Variants in LRP1B observed in about 807,000 individuals in gnomAD.
LRP1B encodes the protein LDL receptor related protein 1B.
In LRP1B, 217 loss-of-function variants were observed where a neutral mutation model predicts 556.6. The observed-to-expected ratio is 0.39, with a 90% CI of 0.35 to 0.44. The LOEUF is 0.44. Among genes scored for constraint, LRP1B ranks in the 20% least tolerant of loss-of-function variants. The pLI, the probability that LRP1B is intolerant of heterozygous loss-of-function variation, is 1.00. For missense variants in LRP1B, 5,053 were observed against 5,620.8 expected (o/e 0.90, Z 3.23); for synonymous variants, 2,047 against 1,865.8 (o/e 1.10, Z -2.50).
chr2:141,420,930 A>G (rs1680112298), intron 3 of LRP1B, among the ~76,000 whole-genome samples: 1 of 152,222 alleles, frequency 6.6e-6, no homozygotes, highest in Non-Finnish European at 1.5e-5. Flanking sequence ...CTTGAAAGAT[A>G]GTAAATTGGA....
chr2:141,357,183 G>A (rs1372657371), intron 3 of LRP1B, among the ~76,000 whole-genome samples: 1 of 152,018 alleles, frequency 6.6e-6, no homozygotes, highest in African/African-American at 2.4e-5. Flanking sequence ...AGCCTCCCGA[G>A]TAGCTGGGAC....
At chr2:141,574,805 C>T (rs1686673840) in intron 2 of LRP1B, among the ~76,000 whole-genome samples, 1 of 151,970 alleles carries the variant, frequency 6.6e-6, no homozygotes, top group Non-Finnish European at 1.5e-5. Context: ...TTCTTTTACA[C>T]TAACAATAGG....
chr2:140,868,161 C>A lies in LRP1B; in HGVS notation c.4272G>T (p.Gly1424=). The A allele has an allele frequency of 6.2e-7, 1 of 1,611,394 alleles. No individual in the cohort carries two copies. Among genetic ancestry groups the A allele is most frequent in the South Asian group, 1.1e-5 (1 of 90,906 alleles). ...RKTIYKDMKT[G]AWPNGLTVDH... is the part of the protein sequence containing the mutation. The stretch of plus-strand genomic sequence containing the variant: ...CCACAGTTAGTCCATTAGGCCAAGC[C>A]CCAGTTTTCATGTCTTTATAGATGG... The change falls in exon 26 of 91, where the codon GGG becomes GGT. Residue 1424 remains glycine (G), a synonymous_variant. Transcript: ENST00000389484.
Position 141,593,462 on chromosome 2 carries a change from T to TGGA in LRP1B, c.206-112930_206-112929insTCC, listed in dbSNP as rs1241930123. On this transcript the variant is annotated intron_variant, in intron 2 of 90. Coordinates refer to ENST00000389484, the MANE Select transcript of LRP1B (RefSeq NM_018557.3). Reference sequence around the variant, plus strand: ...GGCCGGGCGCGGTGGCTCACGCCTGTAATCCCAGCACTTTGGGAGGCCGAG... The same window carrying TGGA: ...GGCCGGGCGCGGTGGCTCACGCCTGTGGAAATCCCAGCACTTTGGGAGGCCGAG... 0.024 allele frequency among the ~76,000 whole-genome samples: 34 copies of TGGA among 1,404 alleles called. 17 individuals carry two copies. In the Non-Finnish European group the frequency reaches 1, roughly 41 times the overall value. The allele number at this position is 1,404 out of a possible 152,430, so 0.9% of individuals were successfully genotyped here. A position where few individuals can be genotyped will look rare whatever the true frequency, so the allele number is the denominator to read the frequency against.
intron 66 of LRP1B, among the ~76,000 whole-genome samples, chr2:140,437,449 T>C (rs1023126819): frequency 6.6e-6 from 1 of 152,172 alleles, no homozygotes; most frequent in Non-Finnish European, 1.5e-5. Flanking sequence ...GATAATCTGT[T>C]TGCTAGTCAA....
intron 10 of LRP1B, among the ~76,000 whole-genome samples, chr2:141,051,535 A>G (rs2105449861): frequency 6.6e-6 from 1 of 152,094 alleles, no homozygotes; most frequent in South Asian, 2.1e-4. Context: ...AACTGATAAC[A>G]TATTTTAATA....
chr2:141,319,239 T>G (rs535036436), intron 3 of LRP1B, among the ~76,000 whole-genome samples: 1 of 151,910 alleles, frequency 6.6e-6, no homozygotes, highest in South Asian at 2.1e-4. Flanking sequence ...TAAAATATCT[T>G]TACCCTTTGA....
intron 82 of LRP1B, among the ~76,000 whole-genome samples, chr2:140,318,274 T>G (rs562156444): frequency 2.1e-4 from 32 of 152,282 alleles, no homozygotes; most frequent in African/African-American, 7.5e-4. Context: ...TTTCAAGACC[T>G]ATATGTGTAA....
intron 3 of LRP1B, among the ~76,000 whole-genome samples, chr2:141,391,086 G>A (rs1454602504): frequency 6.6e-6 from 1 of 152,042 alleles, no homozygotes; most frequent in African/African-American, 2.4e-5. Context: ...TGAGGGGAGG[G>A]AATAAATCTT....
intron 2 of LRP1B, among the ~76,000 whole-genome samples, chr2:141,618,818 A>G (rs1688402923): frequency 6.6e-6 from 1 of 152,228 alleles, no homozygotes; most frequent in African/African-American, 2.4e-5. Flanking sequence ...TGATAGGATT[A>G]AAGTGGGTAA....
chr2:140,346,013 TAAAC>T (rs922206661), intron 77 of LRP1B, among the ~76,000 whole-genome samples: 1 of 151,062 alleles, frequency 6.6e-6, no homozygotes, highest in Non-Finnish European at 1.5e-5. Flanking sequence ...TAATACATTT[TAAAC>T]AAACAATTGG....
At chr2:142,116,702 G>A (rs890750830) in intron 1 of LRP1B, among the ~76,000 whole-genome samples, 1 of 152,054 alleles carries the variant, frequency 6.6e-6, no homozygotes, top group Non-Finnish European at 1.5e-5. Flanking sequence ...CTCTGTATTA[G>A]ACTTACAAAT....
chr2:140,943,089 GATCT>G (rs1695447564), intron 20 of LRP1B, among the ~76,000 whole-genome samples: 1 of 152,070 alleles, frequency 6.6e-6, no homozygotes, highest in Non-Finnish European at 1.5e-5. Flanking sequence ...GATGGAAAAA[GATCT>G]ATCACACAAA....
intron 14 of LRP1B, among the ~76,000 whole-genome samples, chr2:141,013,324 GA>G (rs1237544408): frequency 2.0e-5 from 3 of 152,014 alleles, no homozygotes; most frequent in Non-Finnish European, 4.4e-5. Flanking sequence ...AATACTTGGA[GA>G]AAACCTTAAA....
At chr2:140,321,191 T>G (rs574634353) in intron 82 of LRP1B, among the ~76,000 whole-genome samples, 3 of 152,266 alleles carry the variant, frequency 2.0e-5, no homozygotes, top group African/African-American at 7.2e-5. Context: ...TAGCTGGATA[T>G]TCAAGAGACA....
At chr2:140,743,872 T>C (rs1573652802) in intron 35 of LRP1B, among the ~76,000 whole-genome samples, 1 of 137,168 alleles carries the variant, frequency 7.3e-6, no homozygotes, top group South Asian at 2.2e-4. Flanking sequence ...GAGGCTGAGG[T>C]AGTAGAATCA....
At chr2:140,720,466 T>C (rs1366229748) in intron 35 of LRP1B, among the ~76,000 whole-genome samples, 1 of 152,004 alleles carries the variant, frequency 6.6e-6, no homozygotes, top group Admixed American at 6.6e-5. Flanking sequence ...TGCATTATAA[T>C]TATAATTAAA....
intron 2 of LRP1B, among the ~76,000 whole-genome samples, chr2:141,770,592 C>T (rs977324592): frequency 6.6e-6 from 1 of 152,184 alleles, no homozygotes; most frequent in Admixed American, 6.5e-5. Flanking sequence ...TTTTGTCTTT[C>T]TCTGAACATG....
intron 41 of LRP1B, among the ~76,000 whole-genome samples, chr2:140,606,112 G>A (rs1682858697): frequency 6.6e-6 from 1 of 151,804 alleles, no homozygotes; most frequent in Admixed American, 6.6e-5. Flanking sequence ...ATTTGCAGAT[G>A]GCAAGTACTG....
Sources: allele counts gnomAD v4.1 joint callset (sites outside exome capture counted in the v4.1 genomes callset), GRCh38; gene constraint gnomAD v4.1.1; transcripts MANE v1.5; gene names NCBI Gene and HGNC (gene_info 2026-07-23, HGNC 2026-07-21).